DZIP1: variants seen among roughly 807,000 people sequenced by gnomAD.
DZIP1 encodes the protein cilium assembly protein DZIP1.
Under a neutral mutation model 107.6 loss-of-function variants are expected in DZIP1, and 97 were observed. The ratio of observed to expected loss-of-function variants is 0.90; its 90% CI spans 0.77 to 1.07. The LOEUF (loss-of-function observed/expected upper bound fraction) is 1.07, where lower values mean the gene tolerates loss of function less well. Ranked by LOEUF, DZIP1 falls within the 50% of genes least tolerant of loss-of-function variation. DZIP1 has a pLI of 0.00. For missense variants in DZIP1, 1,035 were observed against 1,063.6 expected (o/e 0.97, Z 0.37); for synonymous variants, 390 against 386.4 (o/e 1.01, Z -0.11).
At chr13:95,589,694 TG>T in intron 18 of DZIP1, 108 bp downstream of exon 18, 1 of 1,417,948 alleles carries the variant, frequency 7.1e-7, no homozygotes, top group Non-Finnish European at 9.5e-7. Flanking sequence ...GCCTCCAAAA[TG>T]GGGAGAAAAT....
At chr13:95,609,340 A>G in intron 13 of DZIP1, 117 bp downstream of exon 13, 1 of 558,166 alleles carries the variant, frequency 1.8e-6, no homozygotes, top group Non-Finnish European at 2.9e-6. Context: ...TCATTATGTG[A>G]TCTCTAAATA....
At position 95,584,189 on chromosome 13, in the gene DZIP1, A is replaced by C. The variant is rs560191416; in HGVS notation, c.2524+547T>G. Among the ~76,000 whole-genome samples the C allele has an allele frequency of 3.3e-5, 5 of 151,030 alleles. No individual in the cohort carries two copies. In the South Asian group the frequency reaches 8.4e-4, roughly 25 times the overall value. On this transcript the variant is annotated intron_variant, in intron 22 of 22. Transcript: ENST00000376829. ...ACAGCGTTTCACCATGTTGGCCAGG[A>C]TGGTCTCAATCTCTTGACCTCGTGA...
At chr13:95,630,626 T>A (rs1877083810) in intron 6 of DZIP1, 1 of 988,208 alleles carries the variant, frequency 1.0e-6, no homozygotes, top group Admixed American at 4.3e-5. Context: ...TGGGCCATAG[T>A]CTATCAACTG....
intron 22 of DZIP1, 84 bp downstream of exon 22, chr13:95,584,652 A>G (rs2044106979): frequency 1.3e-6 from 2 of 1,518,442 alleles, no homozygotes; most frequent in Admixed American, 4.4e-5. Flanking sequence ...ATATACCAGC[A>G]TAAGTTAATT....
At chr13:95,637,710 G>T (rs1214387260) in intron 5 of DZIP1, among the ~76,000 whole-genome samples, 2 of 152,028 alleles carry the variant, frequency 1.3e-5, no homozygotes. Context: ...AAGCCAGGAA[G>T]AGAGGCCTCA....
chr13:95,615,141 G>C lies in DZIP1; in HGVS notation c.1174-2964C>G, dbSNP rs192358437. Among the ~76,000 whole-genome samples the C allele has an allele frequency of 2.1e-3, 321 of 152,190 alleles. 1 individual carries two copies. The highest frequency in any genetic ancestry group is 7.0e-3 in the African/African-American group (291 of 41,524). Reference sequence around the variant, plus strand: ...CACATACCTAGTATGTGAGGCATGCGCCCCACTCAGAACCAGGAAAGGCCT... The same window carrying C: ...CACATACCTAGTATGTGAGGCATGCCCCCCACTCAGAACCAGGAAAGGCCT... On this transcript the variant is annotated intron_variant, in intron 10 of 22. Transcript: ENST00000376829.
intron 9 of DZIP1, 152 bp from the exon 10 acceptor site, chr13:95,620,099 C>G (rs1875640173): frequency 1.4e-6 from 1 of 727,494 alleles, no homozygotes; most frequent in Admixed American, 2.7e-5. Flanking sequence ...GGTCCCCACT[C>G]AAATCTCATG....
chr13:95,584,098 T>C (rs2044080924), intron 22 of DZIP1, among the ~76,000 whole-genome samples: 1 of 151,958 alleles, frequency 6.6e-6, no homozygotes. Flanking sequence ...TGCCTTAGCC[T>C]CCCAAGTAGC....
intron 14 of DZIP1, among the ~76,000 whole-genome samples, chr13:95,604,941 T>A (rs1334673221): frequency 3.3e-5 from 5 of 152,228 alleles, no homozygotes; most frequent in African/African-American, 4.8e-5. Flanking sequence ...CTTTTATCTG[T>A]TACTGGTCTA....
chr13:95,588,290 A>G (rs960091158), intron 19 of DZIP1, among the ~76,000 whole-genome samples: 1 of 152,208 alleles, frequency 6.6e-6, no homozygotes, highest in African/African-American at 2.4e-5. Flanking sequence ...TTCACACCAC[A>G]TCCCAAGAAA....
chr13:95,636,283 C>CT (rs1877808155), intron 5 of DZIP1, among the ~76,000 whole-genome samples: 1 of 151,822 alleles, frequency 6.6e-6, no homozygotes, highest in Non-Finnish European at 1.5e-5. Context: ...TGGCTCACGC[C>CT]TGTAATCCCA....
At position 95,622,464 on chromosome 13, in the gene DZIP1, T is replaced by A; in HGVS notation, c.989A>T (p.Gln330Leu). Residue 330 changes from glutamine to leucine, a missense_variant, in exon 9 of 23, where the codon CAG becomes CTG. By Grantham distance (113) the Gln-to-Leu change is moderately radical. Transcript: ENST00000376829. ...SALEYQLSEIQKSNMQIKSNI... is the reference protein window; with the variant it reads ...SALEYQLSEILKSNMQIKSNI... ...GGACTTGATCTGCATATTGGACTTC[T>A]GGATTTCTGACAGTTGCTATAAGAT... 6.2e-7 allele frequency: 1 copy of A among 1,614,220 alleles called. No individual in the cohort carries two copies. Among genetic ancestry groups the A allele is most frequent in the Non-Finnish European group, 8.5e-7 (1 of 1,180,040 alleles).
intron 5 of DZIP1, among the ~76,000 whole-genome samples, chr13:95,639,641 T>C (rs1471682145): frequency 1.3e-5 from 2 of 148,820 alleles, no homozygotes; most frequent in African/African-American, 4.9e-5. Flanking sequence ...AAAGAAAATC[T>C]TCTCTTATAA....
intron 10 of DZIP1, among the ~76,000 whole-genome samples, chr13:95,613,513 A>G (rs1455745734): frequency 1.6e-5 from 1 of 62,790 alleles, no homozygotes; most frequent in Non-Finnish European, 4.2e-5. Context: ...TTCCGTCTCA[A>G]AAAAAAAAAA....
intron 14 of DZIP1, among the ~76,000 whole-genome samples, chr13:95,603,024 T>C (rs1191855727): frequency 6.6e-6 from 1 of 152,136 alleles, no homozygotes; most frequent in Non-Finnish European, 1.5e-5. Context: ...TAAAGTCTAA[T>C]AAAAATGTTT....
intron 3 of DZIP1, among the ~76,000 whole-genome samples, chr13:95,642,521 T>G (rs1377784566): frequency 6.6e-6 from 1 of 151,646 alleles, no homozygotes; most frequent in Non-Finnish European, 1.5e-5. Flanking sequence ...AAAAAAAAAG[T>G]AGTATCTATT....
intron 12 of DZIP1, 33 bp downstream of exon 12, chr13:95,611,412 C>G: frequency 6.2e-7 from 1 of 1,600,146 alleles, no homozygotes; most frequent in Non-Finnish European, 8.6e-7. Context: ...GGAGGTTCCC[C>G]TTGCCGCCAG....
chr13:95,623,550 G>A (rs1278389678), intron 8 of DZIP1, among the ~76,000 whole-genome samples: 1 of 152,214 alleles, frequency 6.6e-6, no homozygotes, highest in Non-Finnish European at 1.5e-5. Context: ...AAACATGGCT[G>A]TGTTTCAATA....
At chr13:95,604,795 A>AT (rs1163821831) in intron 14 of DZIP1, among the ~76,000 whole-genome samples, 2 of 152,224 alleles carry the variant, frequency 1.3e-5, no homozygotes, top group Non-Finnish European at 2.9e-5. Context: ...CAAAAGAGAA[A>AT]TGGCCAGCAA....
Sources: allele counts gnomAD v4.1 joint callset (sites outside exome capture counted in the v4.1 genomes callset), GRCh38; gene constraint gnomAD v4.1.1; transcripts MANE v1.5; gene names NCBI Gene and HGNC (gene_info 2026-07-23, HGNC 2026-07-21).